RYR2: variants seen among roughly 807,000 people sequenced by gnomAD.
RYR2 encodes cardiac muscle ryanodine receptor-calcium release channel.
A neutral mutation model predicts 601.1 loss-of-function variants in RYR2; 227 were observed. That is an observed-to-expected ratio of 0.38 (90% CI 0.34 to 0.42). The LOEUF is 0.42. Among genes scored for constraint, RYR2 ranks in the 10% least tolerant of loss-of-function variants. RYR2 has a pLI of 1.00. For synonymous variants in RYR2, 2,223 were observed against 2,175.1 expected (o/e 1.02, Z -0.61); for missense variants, 4,646 against 6,156.5 (o/e 0.75, Z 8.21).
chr1:237,594,886 G>GTTTTTTTTGTTTTTTTTTT (rs1675642723), intron 33 of RYR2, among the ~76,000 whole-genome samples: 1 of 60,422 alleles, frequency 1.7e-5, no homozygotes, highest in Non-Finnish European at 2.6e-5. Context: ...ATATCACTGG[G>GTTTTTTTTGTTTTTTTTTT]TTTTTTTTTT....
At chr1:237,761,387 T>C (rs112780645) in intron 84 of RYR2, among the ~76,000 whole-genome samples, 129 of 152,340 alleles carry the variant, frequency 8.5e-4, no homozygotes, top group Non-Finnish European at 1.6e-3. Flanking sequence ...TTGGCCACTT[T>C]AGCAAAGTCG....
intron 29 of RYR2, among the ~76,000 whole-genome samples, chr1:237,578,102 A>C (rs920713445): frequency 6.6e-6 from 1 of 151,886 alleles, no homozygotes. Flanking sequence ...GAGCCACCAC[A>C]CCTGTTCTGA....
intron 1 of RYR2, among the ~76,000 whole-genome samples, chr1:237,225,255 A>G (rs1484501781): frequency 6.6e-6 from 1 of 152,152 alleles, no homozygotes; most frequent in Non-Finnish European, 1.5e-5. Context: ...GTTCTTGGGA[A>G]CTGTCCCCAA....
chr1:237,463,829 A>G (rs1227558427), intron 16 of RYR2, among the ~76,000 whole-genome samples: 2 of 152,190 alleles, frequency 1.3e-5, no homozygotes. Context: ...TGGTGCTCTG[A>G]GACATCTCAT....
intron 101 of RYR2, among the ~76,000 whole-genome samples, chr1:237,823,151 G>A (rs1662706217): frequency 6.6e-6 from 1 of 152,128 alleles, no homozygotes; most frequent in African/African-American, 2.4e-5. Flanking sequence ...GGATATCCAG[G>A]ACTTGAACTC....
intron 1 of RYR2, among the ~76,000 whole-genome samples, chr1:237,179,803 G>A (rs1280754634): frequency 1.3e-5 from 2 of 152,094 alleles, no homozygotes; most frequent in African/African-American, 2.4e-5. Flanking sequence ...TGATGCATCT[G>A]GAGAAGCGTG....
In RYR2 at chr1:237,761,037, G is replaced by A. The variant is rs1019749781; in HGVS notation, c.11476+9G>A. 1 of 1,531,320 alleles carries A rather than the reference G, an allele frequency of 6.5e-7. No individual in the cohort carries two copies. The highest frequency in any genetic ancestry group is 8.9e-7 in the Non-Finnish European group (1 of 1,122,602). The allele number at this position is 1,531,320 out of a possible 1,614,324, so 94.9% of individuals were successfully genotyped here. On this transcript the variant is annotated intron_variant, in intron 84 of 104. Transcript: ENST00000366574. ...GACAGAGGAAGGATCAGGTATTAAT[G>A]ACTTACATTAAAAGGATCACCTGTC...
At chr1:237,393,607 G>A (rs796758368) in intron 10 of RYR2, among the ~76,000 whole-genome samples, 1 of 152,106 alleles carries the variant, frequency 6.6e-6, no homozygotes, top group African/African-American at 2.4e-5. Context: ...AACCTATGAG[G>A]GTTTTTCTTC....
chr1:237,704,711 T>G (rs74462095), intron 66 of RYR2, among the ~76,000 whole-genome samples: 3,272 of 152,064 alleles, frequency 0.022, 123 homozygotes, highest in African/African-American at 0.074. Context: ...CAATTAATTT[T>G]GCGGTTATAA....
chr1:237,244,974 T>C (rs190437888), intron 1 of RYR2, among the ~76,000 whole-genome samples: 47 of 152,278 alleles, frequency 3.1e-4, no homozygotes, highest in Non-Finnish European at 6.6e-4. Flanking sequence ...TCAGCACTTG[T>C]TAAAGATAAT....
intron 87 of RYR2, among the ~76,000 whole-genome samples, chr1:237,777,112 T>C (rs551115762): frequency 1.3e-4 from 20 of 152,300 alleles, no homozygotes; most frequent in Non-Finnish European, 2.9e-4. Flanking sequence ...TCCTGAAGCC[T>C]CTTCTCTCAC....
At chr1:237,644,101 C>T (rs1253888926) in intron 48 of RYR2, among the ~76,000 whole-genome samples, 3 of 152,104 alleles carry the variant, frequency 2.0e-5, no homozygotes, top group Non-Finnish European at 4.4e-5. Context: ...ACCTTAGTTC[C>T]TTAGTTATGC....
At chr1:237,364,335 C>T (rs2149726889) in intron 4 of RYR2, 23 bp from the exon 5 acceptor site, 3 of 1,571,822 alleles carry the variant, frequency 1.9e-6, no homozygotes, top group Non-Finnish European at 2.6e-6. Context: ...AATGTTTCCT[C>T]TCTTTTCCTT....
intron 48 of RYR2, among the ~76,000 whole-genome samples, chr1:237,643,892 G>A (rs2148761824): frequency 6.6e-6 from 1 of 152,264 alleles, no homozygotes; most frequent in South Asian, 2.1e-4. Context: ...GGGATTACAG[G>A]TGTGAGCCAC....
At chr1:237,416,398 C>G (rs1377019745) in intron 10 of RYR2, among the ~76,000 whole-genome samples, 2 of 152,170 alleles carry the variant, frequency 1.3e-5, no homozygotes, top group Admixed American at 6.5e-5. Context: ...TGGATACTTA[C>G]AGCAATTACT....
Position 237,819,284 on chromosome 1 carries a change from G to T in RYR2, c.14590+92G>T. 1 of 1,217,824 alleles carries T rather than the reference G, an allele frequency of 8.2e-7. No individual in the cohort carries two copies. Among genetic ancestry groups the T allele is most frequent in the East Asian group, 2.3e-5 (1 of 42,626 alleles). The allele number at this position is 1,217,824 out of a possible 1,614,324, so 75.4% of individuals were successfully genotyped here. A position where few individuals can be genotyped will look rare whatever the true frequency, so the allele number is the denominator to read the frequency against. On this transcript the variant is annotated intron_variant, in intron 101 of 104. Transcript: ENST00000366574. The surrounding 1 kb of genome is among the most constrained non-coding windows in gnomAD (Gnocchi z 4.0). The stretch of plus-strand genomic sequence containing the variant: ...ATTCAAGGTAGGGTAATGACGTCAA[G>T]TGTTTCCTGGCAAAGCCAAATCAAA...
chr1:237,223,372 T>C (rs1036963937), intron 1 of RYR2, among the ~76,000 whole-genome samples: 16 of 152,324 alleles, frequency 1.1e-4, no homozygotes, highest in African/African-American at 3.8e-4. Context: ...TCATGGCTGA[T>C]TTCCTCTTAA....
At chr1:237,526,840 C>CT (rs1425241604) in intron 24 of RYR2, among the ~76,000 whole-genome samples, 5 of 152,120 alleles carry the variant, frequency 3.3e-5, no homozygotes, top group African/African-American at 1.2e-4. Flanking sequence ...TCCCATTTGT[C>CT]TATTTTTGTT....
chr1:237,772,762 C>CT lies in RYR2; in HGVS notation c.11646+673dup, dbSNP rs5781991. ...AATCTTTGAGTGTGTAAAATCACAA[C>CT]TTTTTTTTTTTCTAACTGAAAGCTT... On this transcript the variant is annotated intron_variant, in intron 86 of 104. Coordinates refer to ENST00000366574, the MANE Select transcript of RYR2 (RefSeq NM_001035.3). Among the ~76,000 whole-genome samples, 116 of 148,800 alleles carry CT rather than the reference C, an allele frequency of 7.8e-4. No homozygotes were observed. The East Asian group carries it at 0.016, about 20-fold the overall frequency.
Sources: allele counts gnomAD v4.1 joint callset (sites outside exome capture counted in the v4.1 genomes callset), GRCh38; gene constraint gnomAD v4.1.1; non-coding constraint Gnocchi (gnomAD v3.1); transcripts MANE v1.5; gene names NCBI Gene and HGNC (gene_info 2026-07-23, HGNC 2026-07-21).